The following ROBO2 variants were observed in gnomAD, a reference collection of about 807,000 sequenced individuals.
ROBO2 encodes roundabout guidance receptor 2.
In ROBO2, 53 loss-of-function variants were observed where a neutral mutation model predicts 160.8. The observed-to-expected ratio is 0.33, with a 90% CI of 0.26 to 0.41. The LOEUF is 0.41. Among genes scored for constraint, ROBO2 ranks in the 10% least tolerant of loss-of-function variants. The pLI is 1.00. For missense variants in ROBO2, 1,577 were observed against 1,722.4 expected, an observed-to-expected ratio of 0.92 and a Z score of 1.49; for synonymous variants, 664 against 611.7, an observed-to-expected ratio of 1.09 and a Z score of -1.26.
chr3:76,516,263 T>C (rs1291948741), intron 2 of ROBO2, among the ~76,000 whole-genome samples: 1 of 152,164 alleles, frequency 6.6e-6, no homozygotes, highest in East Asian at 1.9e-4. Flanking sequence ...CTATAGCAGA[T>C]GACCCTAAAT....
intron 1 of ROBO2, among the ~76,000 whole-genome samples, chr3:77,075,052 T>TA (rs1165034027): frequency 6.6e-6 from 1 of 152,178 alleles, no homozygotes; most frequent in African/African-American, 2.4e-5. Flanking sequence ...AGAAAATGAT[T>TA]AATAAATCAA....
At chr3:76,026,955 A>G (rs1041192918) in intron 2 of ROBO2, among the ~76,000 whole-genome samples, 1 of 151,968 alleles carries the variant, frequency 6.6e-6, no homozygotes, top group Non-Finnish European at 1.5e-5. Context: ...AGGATCTCTG[A>G]CAAGATACTG....
At chr3:77,291,798 C>T (rs1477751346) in intron 2 of ROBO2, among the ~76,000 whole-genome samples, 2 of 149,240 alleles carry the variant, frequency 1.3e-5, no homozygotes, top group East Asian at 2.0e-4. Flanking sequence ...GAAGTTGAGG[C>T]TAGAACAGTA....
intron 2 of ROBO2, among the ~76,000 whole-genome samples, chr3:76,352,623 A>C (rs151038347): frequency 3.4e-4 from 52 of 152,134 alleles, no homozygotes; most frequent in African/African-American, 1.1e-3. Flanking sequence ...TAAGGACAAA[A>C]AAATGGTCCC....
intron 2 of ROBO2, among the ~76,000 whole-genome samples, chr3:76,191,877 T>G (rs569286053): frequency 6.6e-6 from 1 of 152,064 alleles, no homozygotes; most frequent in South Asian, 2.1e-4. Flanking sequence ...TGATAGTCTG[T>G]CATTCCAACT....
intron 2 of ROBO2, among the ~76,000 whole-genome samples, chr3:77,172,398 T>C (rs1452700067): frequency 6.6e-6 from 1 of 152,210 alleles, no homozygotes; most frequent in East Asian, 1.9e-4. Flanking sequence ...CTTAAATGTC[T>C]TTTCTGATTT....
At chr3:77,467,624 TATCTATC>T (rs1244966146) in intron 2 of ROBO2, among the ~76,000 whole-genome samples, 3 of 149,672 alleles carry the variant, frequency 2.0e-5, no homozygotes, top group African/African-American at 7.4e-5. Context: ...TCTATCTATC[TATCTATC>T]ATCTATCTAT....
chr3:77,189,150 G>A (rs1009705516), intron 2 of ROBO2, among the ~76,000 whole-genome samples: 2 of 151,732 alleles, frequency 1.3e-5, no homozygotes, highest in Admixed American at 6.6e-5. Flanking sequence ...CAGTGATTTG[G>A]CCCCCGATGA....
At chr3:77,316,797 C>T in intron 2 of ROBO2, 3 of 1,283,950 alleles carry the variant, frequency 2.3e-6, no homozygotes, top group Middle Eastern at 2.6e-4. Context: ...GGCCACCAGC[C>T]TTGACGTTCT....
intron 2 of ROBO2, among the ~76,000 whole-genome samples, chr3:76,950,949 A>G (rs1262482076): frequency 3.9e-5 from 6 of 152,134 alleles, no homozygotes; most frequent in Admixed American, 1.3e-4. Context: ...GCTGGTCTGG[A>G]ACTCCCAGGG....
At chr3:76,294,541 C>T (rs1708972290) in intron 2 of ROBO2, among the ~76,000 whole-genome samples, 1 of 152,132 alleles carries the variant, frequency 6.6e-6, no homozygotes. Flanking sequence ...CCTTTGATGC[C>T]TTTCTGTGAC....
intron 2 of ROBO2, among the ~76,000 whole-genome samples, chr3:76,960,436 C>T (rs2079565805): frequency 1.4e-5 from 2 of 148,088 alleles, no homozygotes; most frequent in African/African-American, 4.8e-5. Flanking sequence ...AATGTATGTG[C>T]ATATATCTGT....
chr3:76,656,812 C>T (rs1305058785), intron 2 of ROBO2, among the ~76,000 whole-genome samples: 2 of 151,770 alleles, frequency 1.3e-5, no homozygotes, highest in East Asian at 3.9e-4. Flanking sequence ...AGGATTATCA[C>T]CTAAACCCCT....
At chr3:76,831,105 C>T (rs1042662927) in intron 2 of ROBO2, among the ~76,000 whole-genome samples, 1 of 152,116 alleles carries the variant, frequency 6.6e-6, no homozygotes, top group African/African-American at 2.4e-5. Context: ...TTTGCTAGGT[C>T]TTCTTCAATG....
intron 2 of ROBO2, among the ~76,000 whole-genome samples, chr3:77,439,441 G>A (rs2079668976): frequency 6.6e-6 from 1 of 152,054 alleles, no homozygotes; most frequent in Non-Finnish European, 1.5e-5. Context: ...TGGCTTTGTG[G>A]CCTCTTATGA....
intron 2 of ROBO2, among the ~76,000 whole-genome samples, chr3:76,132,752 C>A (rs970886330): frequency 2.0e-4 from 30 of 152,048 alleles, no homozygotes; most frequent in Admixed American, 3.3e-4. Flanking sequence ...TGAGAAGCCA[C>A]AAAAGATTTC....
intron 2 of ROBO2, among the ~76,000 whole-genome samples, chr3:76,265,926 G>A (rs1026176262): frequency 2.6e-5 from 4 of 152,068 alleles, no homozygotes; most frequent in African/African-American, 4.8e-5. Context: ...TTTATGAAAT[G>A]ATCAAACTCA....
At chr3:77,648,508 T>C (rs2095427583) in exon 26 of ROBO2, 1 of 152,218 alleles carries the variant, frequency 6.6e-6, no homozygotes, top group South Asian at 2.1e-4. Flanking sequence ...AGTGCAGAGC[T>C]TGTGGTTACT....
At chr3:77,607,146 T>A (rs2153695698) in intron 20 of ROBO2, among the ~76,000 whole-genome samples, 1 of 152,362 alleles carries the variant, frequency 6.6e-6, no homozygotes, top group Admixed American at 6.5e-5. Context: ...ATTACTGTAT[T>A]AATTTTTCCT....
Sources: gnomAD v4.1 joint callset for allele counts (sites outside exome capture counted in the v4.1 genomes callset) on GRCh38, gnomAD v4.1.1 for gene constraint, MANE v1.5 for transcripts, NCBI Gene and HGNC (gene_info 2026-07-23, HGNC 2026-07-21) for gene names.